The following NGLY1 variants were observed in gnomAD, a reference collection of about 807,000 sequenced individuals.
NGLY1 encodes the protein N-glycanase 1.
In NGLY1, 68 loss-of-function variants were observed where a neutral mutation model predicts 84.6. That is an observed-to-expected ratio of 0.80 (90% CI 0.66 to 0.98). The LOEUF is 0.98. NGLY1 is among the 50% of genes least tolerant of loss of function. The pLI is 0.00. For missense variants in NGLY1, 779 were observed against 770.2 expected (o/e 1.01, Z -0.14); for synonymous variants, 280 against 275.2 (o/e 1.02, Z -0.17).
chr3:25,785,199 C>G (rs973515201), upstream of NGLY1, among the ~76,000 whole-genome samples: 3 of 144,148 alleles, frequency 2.1e-5, no homozygotes, highest in Non-Finnish European at 4.5e-5. Flanking sequence ...AGAAATGACA[C>G]ACAGCATTTT....
At chr3:25,741,853 T>C (rs988043193) in intron 4 of NGLY1, among the ~76,000 whole-genome samples, 88 of 151,658 alleles carry the variant, frequency 5.8e-4, no homozygotes, top group African/African-American at 2.0e-3. Context: ...AAAAAAAAAT[T>C]AGCCGGGCGT....
chr3:25,741,649 A>T (rs1706153171), intron 4 of NGLY1, among the ~76,000 whole-genome samples: 1 of 152,144 alleles, frequency 6.6e-6, no homozygotes, highest in African/African-American at 2.4e-5. Flanking sequence ...CAAAAGCTAC[A>T]CTAAAGAACT....
chr3:25,768,694 C>T (rs556309296), intron 2 of NGLY1, among the ~76,000 whole-genome samples: 83 of 151,480 alleles, frequency 5.5e-4, no homozygotes, highest in African/African-American at 1.8e-3. Flanking sequence ...TACAGGCGCC[C>T]GCCACCACGC....
In NGLY1 at chr3:25,739,700, C is replaced by A. The variant is rs771354261; in HGVS notation, c.758G>T (p.Cys253Phe). Residue 253 changes from cysteine (C) to phenylalanine (F), a missense_variant, in exon 5 of 12, where the codon TGT becomes TTT. Coordinates refer to ENST00000280700, the MANE Select transcript of NGLY1 (RefSeq NM_018297.4). ...HWVNNVLCSK[C>F]GGQTRSRDRS... ...ATCTCTAGACCTAGTCTGTCCACCA[C>A]ATTTGCTGCACAAAACGTTATTCAC... The A allele has an allele frequency of 1.1e-5, 17 of 1,614,132 alleles. No homozygotes were observed. The South Asian group carries it at 1.9e-4, about 18-fold the overall frequency.
At chr3:25,755,497 C>G in intron 3 of NGLY1, 1 of 1,461,202 alleles carries the variant, frequency 6.8e-7, no homozygotes, top group East Asian at 2.3e-5. Flanking sequence ...CCTTCTCGGT[C>G]CACACCTGTC....
At chr3:25,727,871 T>TTAGCAAGTATAGAC (rs1705339506) in intron 10 of NGLY1, among the ~76,000 whole-genome samples, 1 of 152,212 alleles carries the variant, frequency 6.6e-6, no homozygotes, top group African/African-American at 2.4e-5. Context: ...TTTCTCCATT[T>TTAGCAAGTATAGAC]TAGCAAGTAT....
chr3:25,768,221 A>G (rs1707708163), intron 2 of NGLY1, among the ~76,000 whole-genome samples: 1 of 151,158 alleles, frequency 6.6e-6, no homozygotes. Flanking sequence ...TCAGGAGTTC[A>G]ATACCAGCCT....
intron 5 of NGLY1, among the ~76,000 whole-genome samples, chr3:25,738,427 T>G (rs554946121): frequency 5.3e-5 from 8 of 152,208 alleles, no homozygotes; most frequent in Non-Finnish European, 7.4e-5. Context: ...TTTTGCATTT[T>G]GTGTTGAGAT....
chr3:25,743,941 G>C (rs1706286921), intron 4 of NGLY1, among the ~76,000 whole-genome samples: 1 of 152,158 alleles, frequency 6.6e-6, no homozygotes, highest in South Asian at 2.1e-4. Flanking sequence ...TATGATGAAA[G>C]CTCAGAAATC....
In NGLY1 at chr3:25,789,960, G is replaced by A. The variant is rs1003354346; in HGVS notation, c.-95C>T. ...AAACAGCTACCCAGCCGCCTCCCAC[G>A]GTCTGACCTCAGCCAAGGTGACGCG... is the stretch of plus-strand genomic sequence containing the variant. On this transcript the variant is annotated 5_prime_UTR_variant, in exon 1 of 12. Transcript: ENST00000417874. The A allele has an allele frequency of 4.8e-6, 7 of 1,460,646 alleles. No individual in the cohort carries two copies. In the African/African-American group the frequency reaches 8.4e-5, roughly 18 times the overall value. The allele number at this position is 1,460,646 out of a possible 1,614,324, so 90.5% of individuals were successfully genotyped here. A position where few individuals can be genotyped will look rare whatever the true frequency, so the allele number is the denominator to read the frequency against.
At chr3:25,736,900 T>C (rs1248219292) in intron 6 of NGLY1, 1 of 161,664 alleles carries the variant, frequency 6.2e-6, no homozygotes, top group Non-Finnish European at 1.3e-5. Context: ...CAATAGGGTG[T>C]TTACAGTTTA....
chr3:25,729,034 T>A (rs1339095753), intron 10 of NGLY1, 99 bp downstream of exon 10: 2 of 753,260 alleles, frequency 2.7e-6, no homozygotes, highest in African/African-American at 3.6e-5. Flanking sequence ...ATAAGTTTGA[T>A]ATATCAGTTT....
At chr3:25,765,600 C>G (rs146243272) in intron 2 of NGLY1, among the ~76,000 whole-genome samples, 20 of 152,134 alleles carry the variant, frequency 1.3e-4, no homozygotes, top group African/African-American at 4.6e-4. Context: ...CAAGACATTA[C>G]TCAATGACAT....
At chr3:25,764,040 T>TA in intron 3 of NGLY1, 26 bp downstream of exon 3, 1 of 1,611,276 alleles carries the variant, frequency 6.2e-7, no homozygotes, top group Non-Finnish European at 8.5e-7. Flanking sequence ...AAGAAACAGT[T>TA]AAAGAAGGTT....
chr3:25,778,376 C>G, intron 2 of NGLY1, 198 bp downstream of exon 2: 1 of 411,100 alleles, frequency 2.4e-6, no homozygotes, highest in South Asian at 4.7e-5. Context: ...CTCTGTGGAG[C>G]GTTGTTACAT....
intron 4 of NGLY1, among the ~76,000 whole-genome samples, chr3:25,743,891 T>C (rs769630818): frequency 2.6e-5 from 4 of 152,128 alleles, no homozygotes; most frequent in Non-Finnish European, 5.9e-5. Context: ...TTAAACAATA[T>C]CCTTAACTAG....
chr3:25,771,866 G>C (rs775667009), intron 2 of NGLY1, among the ~76,000 whole-genome samples: 2 of 152,078 alleles, frequency 1.3e-5, no homozygotes, highest in Non-Finnish European at 2.9e-5. Context: ...CTACTGATTT[G>C]GGTACATTAA....
intron 3 of NGLY1, among the ~76,000 whole-genome samples, chr3:25,760,177 T>A (rs1707239573): frequency 6.6e-6 from 1 of 152,120 alleles, no homozygotes; most frequent in South Asian, 2.1e-4. Flanking sequence ...ATAAATAATA[T>A]GAAAGCACCC....
At chr3:25,766,068 CTTT>C (rs750093129) in intron 2 of NGLY1, among the ~76,000 whole-genome samples, 1 of 144,852 alleles carries the variant, frequency 6.9e-6, no homozygotes, top group Non-Finnish European at 1.5e-5. Context: ...TAGATTAATA[CTTT>C]TTTTTTTTTT....
Sources: gnomAD v4.1 joint callset for allele counts (sites outside exome capture counted in the v4.1 genomes callset) on GRCh38, gnomAD v4.1.1 for gene constraint, MANE v1.5 for transcripts, NCBI Gene and HGNC (gene_info 2026-07-23, HGNC 2026-07-21) for gene names.